Variants in MAP3K7CL observed in about 807,000 individuals in gnomAD.
The protein encoded by MAP3K7CL is MAP3K7 C-terminal-like protein.
MAP3K7CL carries 16 observed loss-of-function variants against 18.6 expected under a neutral mutation model. The ratio of observed to expected loss-of-function variants is 0.86; its 90% CI spans 0.58 to 1.31. The LOEUF is 1.31. Ranked by LOEUF, MAP3K7CL falls within the 50% of genes most tolerant of loss-of-function variation. The pLI, the probability that MAP3K7CL is intolerant of heterozygous loss-of-function variation, is 0.00. For synonymous variants in MAP3K7CL, 65 were observed against 66.8 expected (o/e 0.97, Z 0.13); for missense variants, 163 against 174.4 (o/e 0.93, Z 0.37).
At chr21:29,078,974 C>T (rs2085793799) in intron 1 of MAP3K7CL, among the ~76,000 whole-genome samples, 2 of 152,160 alleles carry the variant, frequency 1.3e-5, no homozygotes, top group African/African-American at 4.8e-5. Flanking sequence ...GGAAGACTAG[C>T]CAAATGTGCC....
intron 1 of MAP3K7CL, 21 bp downstream of exon 1, chr21:29,130,944 A>G: frequency 3.1e-6 from 3 of 983,008 alleles, no homozygotes; most frequent in Non-Finnish European, 3.6e-6. Flanking sequence ...AGGTGTGAAA[A>G]CTGAACTAAA....
At chr21:29,136,958 C>T (rs536504049) in intron 2 of MAP3K7CL, among the ~76,000 whole-genome samples, 1 of 152,232 alleles carries the variant, frequency 6.6e-6, no homozygotes, top group African/African-American at 2.4e-5. Flanking sequence ...TCTAGACCTA[C>T]CTCCAACACT....
chr21:29,137,300 A>C (rs565523912), intron 2 of MAP3K7CL, among the ~76,000 whole-genome samples: 1 of 152,316 alleles, frequency 6.6e-6, no homozygotes, highest in East Asian at 1.9e-4. Context: ...CTGGGCAATT[A>C]GCTGAATTTA....
intron 2 of MAP3K7CL, among the ~76,000 whole-genome samples, chr21:29,148,163 G>A (rs950893730): frequency 6.6e-6 from 1 of 151,584 alleles, no homozygotes; most frequent in Non-Finnish European, 1.5e-5. Context: ...TATCTGTACT[G>A]TACCTGTACT....
intron 1 of MAP3K7CL, 65 bp from the exon 2 acceptor site, chr21:29,133,241 G>A (rs2146628235): frequency 8.2e-7 from 1 of 1,212,548 alleles, no homozygotes; most frequent in Non-Finnish European, 1.2e-6. Context: ...AATTTCCAAG[G>A]GCCTCTGAGT....
intron 4 of MAP3K7CL, among the ~76,000 whole-genome samples, chr21:29,166,222 T>C (rs2087684589): frequency 6.6e-6 from 1 of 152,162 alleles, no homozygotes; most frequent in Non-Finnish European, 1.5e-5. Flanking sequence ...TGAGATCAAC[T>C]TTTTTAGATT....
At chr21:29,108,061 G>A (rs954811805) in intron 4 of MAP3K7CL, among the ~76,000 whole-genome samples, 2 of 152,160 alleles carry the variant, frequency 1.3e-5, no homozygotes, top group African/African-American at 4.8e-5. Context: ...AGGAAACTAC[G>A]AGCTTGAAGA....
intron 4 of MAP3K7CL, among the ~76,000 whole-genome samples, chr21:29,162,284 T>TG (rs2087567712): frequency 4.6e-5 from 7 of 151,708 alleles, no homozygotes; most frequent in Admixed American, 4.6e-4. Flanking sequence ...TGGAGGACTT[T>TG]GTTATTTAAA....
At chr21:29,159,387 C>A (rs887678820) in intron 3 of MAP3K7CL, among the ~76,000 whole-genome samples, 6 of 151,980 alleles carry the variant, frequency 3.9e-5, no homozygotes, top group Non-Finnish European at 8.8e-5. Flanking sequence ...GGAGGGAGAT[C>A]CGGCCTTTCT....
At chr21:29,096,281 A>G (rs952925766) in intron 4 of MAP3K7CL, among the ~76,000 whole-genome samples, 1 of 152,224 alleles carries the variant, frequency 6.6e-6, no homozygotes, top group Non-Finnish European at 1.5e-5. Context: ...TGGGCCAAGC[A>G]CTATTCTAGG....
At position 29,130,902 on chromosome 21, in the gene MAP3K7CL, T is replaced by G. The variant is rs553325168; in HGVS notation, c.-61T>G. 3 of 985,546 alleles carry G rather than the reference T, an allele frequency of 3.0e-6. No individual in the cohort carries two copies. The highest frequency in any genetic ancestry group is 4.7e-5 in the South Asian group (1 of 21,288). 61.1% of individuals were successfully genotyped at this position (985,546 alleles called of 1,614,324 possible). A position where few individuals can be genotyped will look rare whatever the true frequency, so the allele number is the denominator to read the frequency against. ...AGTGGCTGGCTCTGGGTTACACAAG[T>G]GCAGACACTCAACTAAGTGAGGTAA... On this transcript the variant is annotated 5_prime_UTR_variant, in exon 1 of 5. Transcript: ENST00000399928.
At chr21:29,162,164 G>A (rs1169591537) in intron 4 of MAP3K7CL, among the ~76,000 whole-genome samples, 3 of 151,450 alleles carry the variant, frequency 2.0e-5, no homozygotes, top group African/African-American at 4.9e-5. Context: ...TCTATATGAC[G>A]AATAGCCTGT....
At chr21:29,162,866 G>A (rs1010211745) in intron 4 of MAP3K7CL, among the ~76,000 whole-genome samples, 1 of 151,510 alleles carries the variant, frequency 6.6e-6, no homozygotes, top group African/African-American at 2.4e-5. Flanking sequence ...AGCACTTTGG[G>A]AGGAAAGGCA....
chr21:29,169,598 T>G (rs1233635882), intron 4 of MAP3K7CL, among the ~76,000 whole-genome samples: 1 of 152,194 alleles, frequency 6.6e-6, no homozygotes, highest in Non-Finnish European at 1.5e-5. Flanking sequence ...GGCCAAACTG[T>G]CTAGAATTTT....
At position 29,175,029 on chromosome 21, in the gene MAP3K7CL, T is replaced by C; in HGVS notation, c.*137T>C. ...ACATGACAACTGTCTATAATGAGTT[T>C]ACTGCTTGCCAGCTTCTAGCTTGAG... On this transcript the variant is annotated 3_prime_UTR_variant, in exon 5 of 5. Coordinates refer to ENST00000399928, the MANE Select transcript of MAP3K7CL (RefSeq NM_001286620.2). 1.3e-6 allele frequency: 1 copy of C among 779,362 alleles called. No homozygotes were observed. 48.3% of individuals were successfully genotyped at this position (779,362 alleles called of 1,614,324 possible).
At chr21:29,125,833 A>G (rs1457059074), upstream of MAP3K7CL, among the ~76,000 whole-genome samples, 1 of 152,134 alleles carries the variant, frequency 6.6e-6, no homozygotes, top group Non-Finnish European at 1.5e-5. Flanking sequence ...TCCTCCAAAG[A>G]GCAATGGCAC....
chr21:29,158,544 A>G (rs1438900821), intron 3 of MAP3K7CL, among the ~76,000 whole-genome samples: 1 of 152,242 alleles, frequency 6.6e-6, no homozygotes, highest in African/African-American at 2.4e-5. Flanking sequence ...CAGAGGCCTC[A>G]TGATACATAG....
chr21:29,136,360 A>ATTT (rs1192959882), intron 2 of MAP3K7CL, among the ~76,000 whole-genome samples: 3 of 152,134 alleles, frequency 2.0e-5, no homozygotes, highest in Non-Finnish European at 2.9e-5. Context: ...GGGGGAAACA[A>ATTT]AGGAAAACCC....
At chr21:29,099,989 A>G (rs977968465) in intron 4 of MAP3K7CL, among the ~76,000 whole-genome samples, 1 of 151,392 alleles carries the variant, frequency 6.6e-6, no homozygotes, top group Non-Finnish European at 1.5e-5. Context: ...AGGCTGAGGC[A>G]GGAGAATGGC....
Sources: gnomAD v4.1 joint callset for allele counts (sites outside exome capture counted in the v4.1 genomes callset) on GRCh38, gnomAD v4.1.1 for gene constraint, MANE v1.5 for transcripts, NCBI Gene and HGNC (gene_info 2026-07-23, HGNC 2026-07-21) for gene names.